SLC35F1: variants seen among roughly 807,000 people sequenced by gnomAD.
The protein encoded by SLC35F1 is solute carrier family 35 member F1.
SLC35F1 carries 14 observed loss-of-function variants against 48.7 expected under a neutral mutation model. The ratio of observed to expected loss-of-function variants is 0.29; its 90% CI spans 0.19 to 0.45. SLC35F1 has a LOEUF of 0.45. SLC35F1 is among the 20% of genes least tolerant of loss of function. The pLI, the probability that SLC35F1 is intolerant of heterozygous loss-of-function variation, is 1.00. For missense variants in SLC35F1, 404 were observed against 500.0 expected, an observed-to-expected ratio of 0.81 and a Z score of 1.83; for synonymous variants, 190 against 202.2, an observed-to-expected ratio of 0.94 and a Z score of 0.51.
rs571860610 is a variant in SLC35F1, at chr6:117,948,282, T to C, written c.173+40383T>C. ...AGTACTTAAGACCTATGAATTCTAATTTCTTTGGATTTGAACTGGTACTGA... is the reference window on the plus strand; with the variant it reads ...AGTACTTAAGACCTATGAATTCTAACTTCTTTGGATTTGAACTGGTACTGA... On this transcript the variant is annotated intron_variant, in intron 1 of 7. Coordinates refer to ENST00000360388, the MANE Select transcript of SLC35F1 (RefSeq NM_001029858.4). Among the ~76,000 whole-genome samples, 3 of 152,158 alleles carry C rather than the reference T, an allele frequency of 2.0e-5. No homozygotes were observed. In the South Asian group the frequency reaches 6.2e-4, roughly 32 times the overall value.
At chr6:117,962,873 G>T (rs996931012) in intron 1 of SLC35F1, among the ~76,000 whole-genome samples, 1 of 152,220 alleles carries the variant, frequency 6.6e-6, no homozygotes, top group Non-Finnish European at 1.5e-5. Flanking sequence ...TCTGCTACAT[G>T]TGTGAAGGGG....
intron 1 of SLC35F1, among the ~76,000 whole-genome samples, chr6:118,027,107 G>T (rs1207470941): frequency 6.6e-6 from 1 of 152,044 alleles, no homozygotes; most frequent in Non-Finnish European, 1.5e-5. Context: ...ATGCTTTGAG[G>T]TTCATCCTTG....
At chr6:117,995,252 C>G (rs1776969640) in intron 1 of SLC35F1, among the ~76,000 whole-genome samples, 1 of 152,120 alleles carries the variant, frequency 6.6e-6, no homozygotes. Flanking sequence ...TATTATAAAG[C>G]TGAGCATGTA....
intron 1 of SLC35F1, among the ~76,000 whole-genome samples, chr6:118,133,614 CAGG>C (rs1773749202): frequency 6.6e-6 from 1 of 152,172 alleles, no homozygotes; most frequent in Admixed American, 6.5e-5. Context: ...GTTAAATTTA[CAGG>C]AAACAGCTTT....
chr6:118,120,185 A>G (rs1024879090), intron 1 of SLC35F1, among the ~76,000 whole-genome samples: 3 of 152,170 alleles, frequency 2.0e-5, no homozygotes, highest in Non-Finnish European at 4.4e-5. Context: ...TTAATCCTTT[A>G]TGTCTGATAG....
chr6:118,140,597 T>TG (rs140772634), intron 1 of SLC35F1, among the ~76,000 whole-genome samples: 84,886 of 149,618 alleles, frequency 0.57, 24,209 homozygotes, highest in Middle Eastern at 0.66. Flanking sequence ...GTATTCCTTA[T>TG]ATTTTTTTTT....
chr6:117,951,059 C>T (rs1164685739), intron 1 of SLC35F1, among the ~76,000 whole-genome samples: 2 of 152,140 alleles, frequency 1.3e-5, no homozygotes, highest in Non-Finnish European at 2.9e-5. Context: ...TATTCTTAGG[C>T]TCGAATGGGA....
At chr6:118,031,876 A>C (rs573243222) in intron 1 of SLC35F1, among the ~76,000 whole-genome samples, 67 of 152,288 alleles carry the variant, frequency 4.4e-4, no homozygotes, top group African/African-American at 1.5e-3. Context: ...TTGCCGTGGC[A>C]ATGGTAAACT....
At chr6:118,141,824 A>T (rs1464486141) in intron 1 of SLC35F1, among the ~76,000 whole-genome samples, 1 of 151,974 alleles carries the variant, frequency 6.6e-6, no homozygotes, top group Non-Finnish European at 1.5e-5. Flanking sequence ...ACAATAAATG[A>T]CTGCTTTCCC....
At chr6:118,270,362 G>A (rs752705070) in intron 4 of SLC35F1, among the ~76,000 whole-genome samples, 3 of 152,182 alleles carry the variant, frequency 2.0e-5, no homozygotes, top group Non-Finnish European at 2.9e-5. Flanking sequence ...GGCACAGAAT[G>A]ATGTGCCAGG....
At chr6:118,249,119 T>A (rs908198630) in intron 3 of SLC35F1, among the ~76,000 whole-genome samples, 1 of 152,214 alleles carries the variant, frequency 6.6e-6, no homozygotes, top group Admixed American at 6.5e-5. Flanking sequence ...AATAAATATA[T>A]GTTGTTTATA....
rs761891314 is a variant in SLC35F1, at chr6:117,907,685, C to G, written c.-42C>G. The G allele has an allele frequency of 1.0e-5, 13 of 1,297,568 alleles. No individual in the cohort carries two copies. In the Admixed American group the frequency reaches 2.0e-4, roughly 20 times the overall value. 80.4% of individuals were successfully genotyped at this position (1,297,568 alleles called of 1,614,324 possible). ...GCCCGGAACCGGCACACGATGCACC[C>G]GGCTGCGTTCTGATCGCCGCCGCGC... On this transcript the variant is annotated 5_prime_UTR_variant, in exon 1 of 8. Coordinates refer to ENST00000360388, the MANE Select transcript of SLC35F1 (RefSeq NM_001029858.4).
At chr6:118,242,487 AAG>A (rs999626403) in intron 3 of SLC35F1, among the ~76,000 whole-genome samples, 2 of 152,224 alleles carry the variant, frequency 1.3e-5, no homozygotes, top group African/African-American at 4.8e-5. Context: ...AGAAAGTAAA[AAG>A]AGAGGTGGTA....
At chr6:118,111,525 A>T (rs563988232) in intron 1 of SLC35F1, among the ~76,000 whole-genome samples, 1 of 152,312 alleles carries the variant, frequency 6.6e-6, no homozygotes, top group Non-Finnish European at 1.5e-5. Context: ...GACAGAAACA[A>T]AGACTTTCTC....
intron 1 of SLC35F1, among the ~76,000 whole-genome samples, chr6:118,002,486 A>G (rs887726307): frequency 2.0e-5 from 3 of 151,860 alleles, no homozygotes; most frequent in Admixed American, 1.3e-4. Context: ...GCATTAGGAG[A>G]TATACCTAAT....
At chr6:118,108,135 A>G (rs527874164) in intron 1 of SLC35F1, among the ~76,000 whole-genome samples, 1 of 152,164 alleles carries the variant, frequency 6.6e-6, no homozygotes, top group Admixed American at 6.6e-5. Context: ...ATTCTGTATA[A>G]CTCAAATATT....
At chr6:117,910,720 G>A (rs1775750956) in intron 1 of SLC35F1, among the ~76,000 whole-genome samples, 1 of 152,184 alleles carries the variant, frequency 6.6e-6, no homozygotes, top group African/African-American at 2.4e-5. Context: ...GGGCCAAAGG[G>A]GTAATGCTGA....
At chr6:118,290,569 T>A (rs11760111) in intron 7 of SLC35F1, among the ~76,000 whole-genome samples, 2,035 of 151,268 alleles carry the variant, frequency 0.013, 27 homozygotes, top group Non-Finnish European at 0.017. Flanking sequence ...AAAAAAAAAA[T>A]TTATTTGCCT....
chr6:118,225,726 T>G (rs112229679), intron 2 of SLC35F1, among the ~76,000 whole-genome samples: 1 of 1,170 alleles, frequency 8.5e-4, no homozygotes, highest in African/African-American at 3.0e-3. Flanking sequence ...ACAAAAAAAA[T>G]TTAGCTGGGT....
Sources: gnomAD v4.1 joint callset for allele counts (sites outside exome capture counted in the v4.1 genomes callset) on GRCh38, gnomAD v4.1.1 for gene constraint, MANE v1.5 for transcripts, NCBI Gene and HGNC (gene_info 2026-07-23, HGNC 2026-07-21) for gene names.